The following RALGAPA1 variants were observed in gnomAD, a reference collection of about 807,000 sequenced individuals.
The protein encoded by RALGAPA1 is Ral GTPase activating protein catalytic subunit alpha 1.
RALGAPA1 carries 52 observed loss-of-function variants against 269.6 expected under a neutral mutation model. That is an observed-to-expected ratio of 0.19 (90% CI 0.15 to 0.24). The LOEUF is 0.24. Ranked by LOEUF, RALGAPA1 falls within the 10% of genes least tolerant of loss-of-function variation. The pLI is 1.00. For missense variants in RALGAPA1, 1,917 were observed against 3,013.9 expected, an observed-to-expected ratio of 0.64 and a Z score of 8.52; for synonymous variants, 817 against 1,008.3, an observed-to-expected ratio of 0.81 and a Z score of 3.60.
intron 22 of RALGAPA1, among the ~76,000 whole-genome samples, chr14:35,675,395 C>T (rs1399776643): frequency 6.6e-6 from 1 of 152,196 alleles, no homozygotes; most frequent in Non-Finnish European, 1.5e-5. Context: ...CCAGACTGGT[C>T]TCAAACTCCT....
chr14:35,782,387 C>T (rs35441294), intron 1 of RALGAPA1, among the ~76,000 whole-genome samples: 26,224 of 151,996 alleles, frequency 0.17, 2,584 homozygotes, highest in African/African-American at 0.26. Flanking sequence ...AGCAACAGCC[C>T]CCAAATATAC....
chr14:35,654,038 A>G (rs1316293052), intron 30 of RALGAPA1, among the ~76,000 whole-genome samples: 2 of 152,200 alleles, frequency 1.3e-5, no homozygotes, highest in Non-Finnish European at 2.9e-5. Context: ...GGGTCTTGCT[A>G]TGTTACCTAG....
intron 6 of RALGAPA1, 108 bp from the exon 7 acceptor site, chr14:35,757,016 T>C: frequency 1.1e-6 from 1 of 935,568 alleles, no homozygotes; most frequent in Non-Finnish European, 1.4e-6. Flanking sequence ...GAAAATTGCT[T>C]GAAAACTTTC....
chr14:35,624,968 A>G (rs1410303091), intron 35 of RALGAPA1, among the ~76,000 whole-genome samples: 2 of 152,112 alleles, frequency 1.3e-5, no homozygotes, highest in Non-Finnish European at 2.9e-5. Context: ...AGGCGGGCAG[A>G]TCACAAGGTC....
intron 7 of RALGAPA1, among the ~76,000 whole-genome samples, chr14:35,754,822 G>A (rs928522835): frequency 2.0e-5 from 3 of 152,054 alleles, no homozygotes; most frequent in African/African-American, 7.2e-5. Flanking sequence ...TGAATAAACT[G>A]GTGCATCCCC....
In RALGAPA1 at chr14:35,635,536, C is replaced by A. The variant is rs375882730; in HGVS notation, c.5739G>T (p.Leu1913=). The change falls in exon 32 of 42, where the codon CTG becomes CTT. Residue 1913 remains leucine (L), a synonymous_variant. Transcript: ENST00000680220. The part of the protein sequence containing the change: ...DWIMALPLKT[L]LQPFHATGAE... Reference sequence around the variant, plus strand: ...CTCCCGTAGCATGAAATGGTTGGAGCAGTGTCTTTAGAGGTAAGGCCATGA... The same window carrying A: ...CTCCCGTAGCATGAAATGGTTGGAGAAGTGTCTTTAGAGGTAAGGCCATGA... The A allele has an allele frequency of 3.5e-4, 568 of 1,608,798 alleles. No homozygotes were observed. The highest frequency in any genetic ancestry group is 4.7e-4 in the Non-Finnish European group (555 of 1,177,698).
intron 30 of RALGAPA1, 33 bp from the exon 31 acceptor site, chr14:35,651,906 T>A: frequency 6.5e-7 from 1 of 1,537,600 alleles, no homozygotes; most frequent in Non-Finnish European, 8.8e-7. Flanking sequence ...TTAAAAGCTC[T>A]ATATATGTCA....
chr14:35,783,793 C>T (rs2075615604), intron 1 of RALGAPA1, among the ~76,000 whole-genome samples: 1 of 152,000 alleles, frequency 6.6e-6, no homozygotes, highest in Non-Finnish European at 1.5e-5. Flanking sequence ...TACAAATAGC[C>T]AGTAAGCTCA....
Position 35,591,551 on chromosome 14 carries a change from A to G in RALGAPA1, c.7209+4083T>C, listed in dbSNP as rs1039645312. Among the ~76,000 whole-genome samples, 126 of 152,244 alleles carry G rather than the reference A, an allele frequency of 8.3e-4. 1 individual carries two copies. Among genetic ancestry groups the G allele is most frequent in the African/African-American group, 2.9e-3 (121 of 41,542 alleles). ...GGTCTCAAACTCTTGGGCTGAAGCA[A>G]TCCTTCCACCTTGGCCTCCCAAAGT... On this transcript the variant is annotated intron_variant, in intron 37 of 41. Transcript: ENST00000680220.
intron 1 of RALGAPA1, among the ~76,000 whole-genome samples, chr14:35,784,222 T>C (rs1168293710): frequency 1.3e-5 from 2 of 152,038 alleles, no homozygotes; most frequent in Non-Finnish European, 2.9e-5. Context: ...ATAACCCAAA[T>C]GTCCATCAAT....
At chr14:35,636,862 C>A (rs1289987590) in intron 31 of RALGAPA1, among the ~76,000 whole-genome samples, 1 of 152,174 alleles carries the variant, frequency 6.6e-6, no homozygotes, top group Non-Finnish European at 1.5e-5. Context: ...CAAATCCCAG[C>A]ATCTTTCTCC....
intron 1 of RALGAPA1, among the ~76,000 whole-genome samples, chr14:35,806,250 AAACT>A (rs1856250377): frequency 6.6e-6 from 1 of 152,322 alleles, no homozygotes; most frequent in African/African-American, 2.4e-5. Flanking sequence ...AAGTAGAACA[AAACT>A]AACACTAAGT....
At chr14:35,598,172 G>A (rs1370355494) in intron 36 of RALGAPA1, among the ~76,000 whole-genome samples, 1 of 151,922 alleles carries the variant, frequency 6.6e-6, no homozygotes, top group Non-Finnish European at 1.5e-5. Flanking sequence ...ATCAGCTTTA[G>A]TGTCACATAT....
At position 35,769,035 on chromosome 14, in the gene RALGAPA1, A is replaced by AATAT. The variant is rs200538547; in HGVS notation, c.325+1903_325+1906dup. 1.6e-3 allele frequency among the ~76,000 whole-genome samples: 94 copies of AATAT among 58,302 alleles called. 2 individuals are homozygous for AATAT. The highest frequency in any genetic ancestry group is 6.6e-3 in the South Asian group (7 of 1,060). 38.2% of individuals were successfully genotyped at this position (58,302 alleles called of 152,430 possible). On this transcript the variant is annotated intron_variant, in intron 4 of 41. Transcript: ENST00000680220. ...AAAAAAAAAAAAAAAAAAAAAAAAA[A>AATAT]ATATATATATATATATATATATATA...
At chr14:35,664,935 CA>C (rs2063813903) in intron 26 of RALGAPA1, among the ~76,000 whole-genome samples, 168 bp from the exon 27 acceptor site, 2 of 152,304 alleles carry the variant, frequency 1.3e-5, no homozygotes, top group East Asian at 1.9e-4. Flanking sequence ...ATACTTTCCA[CA>C]TAAACTACTG....
chr14:35,695,216 C>A (rs180815026), intron 17 of RALGAPA1, among the ~76,000 whole-genome samples: 149 of 151,470 alleles, frequency 9.8e-4, no homozygotes, highest in Non-Finnish European at 1.7e-3. Flanking sequence ...CTGGGCAACA[C>A]AATGAGACCC....
chr14:35,740,574 A>C (rs1047504223), intron 11 of RALGAPA1, among the ~76,000 whole-genome samples: 1 of 152,174 alleles, frequency 6.6e-6, no homozygotes, highest in Non-Finnish European at 1.5e-5. Context: ...TGGGAGGCTG[A>C]GGTGGGCAGG....
intron 16 of RALGAPA1, among the ~76,000 whole-genome samples, chr14:35,717,529 T>C: frequency 6.6e-6 from 1 of 152,164 alleles, no homozygotes; most frequent in South Asian, 2.1e-4. Context: ...TTATAGTACT[T>C]CCACGTAATT....
chr14:35,546,680 TGTG>T (rs973281817), intron 41 of RALGAPA1, among the ~76,000 whole-genome samples: 4 of 152,180 alleles, frequency 2.6e-5, no homozygotes, highest in South Asian at 4.2e-4. Context: ...ATTTTTTCAA[TGTG>T]GTGAACACAT....
Sources: allele counts gnomAD v4.1 joint callset (sites outside exome capture counted in the v4.1 genomes callset), GRCh38; gene constraint gnomAD v4.1.1; transcripts MANE v1.5; gene names NCBI Gene and HGNC (gene_info 2026-07-23, HGNC 2026-07-21).